The following LARS2 variants were observed in gnomAD, a reference collection of about 807,000 sequenced individuals.
The protein encoded by LARS2 is leucyl-tRNA synthetase 2, mitochondrial, also known as leucine--tRNA ligase, mitochondrial.
Under a neutral mutation model 116.6 loss-of-function variants are expected in LARS2, and 81 were observed. The ratio of observed to expected loss-of-function variants is 0.69; its 90% CI spans 0.58 to 0.84. The LOEUF (loss-of-function observed/expected upper bound fraction) is 0.84. Ranked by LOEUF, LARS2 falls within the 40% of genes least tolerant of loss-of-function variation. LARS2 has a pLI of 0.00. For synonymous variants in LARS2, 396 were observed against 407.2 expected (o/e 0.97, Z 0.33); for missense variants, 968 against 1,114.5 (o/e 0.87, Z 1.87).
rs541763978 is a variant in LARS2 at position 45,394,677 on chromosome 3, C to T, written c.224C>T (p.Ser75Leu). 13 of 1,610,908 alleles carry T rather than the reference C, an allele frequency of 8.1e-6. No individual in the cohort carries two copies. The South Asian group carries it at 1.2e-4, about 15-fold the overall frequency. The change falls in exon 3 of 22, where the codon TCA (serine) becomes TTA (leucine). Residue 75 changes from serine to leucine, a missense_variant. Transcript: ENST00000645846. Reference protein sequence around the residue: ...QRIKEQASKISEADKSKPKFY... With the variant: ...QRIKEQASKILEADKSKPKFY... Reference sequence around the variant, plus strand: ...ATAAAAGAACAGGCCTCCAAAATTTCAGAAGCTGATGTGAGTATTCTGAGA... The same window carrying T: ...ATAAAAGAACAGGCCTCCAAAATTTTAGAAGCTGATGTGAGTATTCTGAGA...
At chr3:45,480,375 T>G (rs952223024) in intron 10 of LARS2, among the ~76,000 whole-genome samples, 27 of 152,380 alleles carry the variant, frequency 1.8e-4, no homozygotes, top group African/African-American at 6.3e-4. Context: ...GCCGCCTTGG[T>G]GAACACCAAA....
chr3:45,461,144 T>G (rs1699316435), intron 8 of LARS2, among the ~76,000 whole-genome samples: 1 of 152,070 alleles, frequency 6.6e-6, no homozygotes. Flanking sequence ...GGTCTGGGAC[T>G]TAAAGGAAAA....
intron 21 of LARS2, among the ~76,000 whole-genome samples, chr3:45,546,050 A>G (rs1467339434): frequency 6.6e-6 from 1 of 151,844 alleles, no homozygotes; most frequent in South Asian, 2.1e-4. Flanking sequence ...TGAGAGCACC[A>G]TGCTCCCCCT....
intron 7 of LARS2, among the ~76,000 whole-genome samples, chr3:45,449,276 C>A (rs1416432211): frequency 6.6e-6 from 1 of 151,156 alleles, no homozygotes; most frequent in East Asian, 1.9e-4. Context: ...AATTCTCCTA[C>A]CTCAGCCTCC....
rs199972268 is a variant in LARS2 at position 45,419,757 on chromosome 3, C to A, written c.516+28C>A. 6 of 1,588,946 alleles carry A rather than the reference C, an allele frequency of 3.8e-6. No homozygotes were observed. The African/African-American group carries it at 5.4e-5, about 14-fold the overall frequency. On this transcript the variant is annotated intron_variant, in intron 6 of 21. Coordinates refer to ENST00000645846, the MANE Select transcript of LARS2 (RefSeq NM_015340.4). ...AAGTCAACTCTTTTTCCTGAAAGGT[C>A]GTCATTTTAAGGAAGGACTTGATGG...
chr3:45,500,659 AGG>A, intron 15 of LARS2, 80 bp downstream of exon 15: 1 of 1,061,036 alleles, frequency 9.4e-7, no homozygotes, highest in Non-Finnish European at 1.3e-6. Flanking sequence ...TTCTGAAGCA[AGG>A]TAAATGCATG....
chr3:45,479,306 G>T (rs1460223318), intron 10 of LARS2, among the ~76,000 whole-genome samples: 2 of 152,142 alleles, frequency 1.3e-5, no homozygotes, highest in Non-Finnish European at 2.9e-5. Context: ...GGGTAGAGAA[G>T]AAGCTTTGAG....
At chr3:45,503,728 T>C (rs1361957517) in intron 15 of LARS2, among the ~76,000 whole-genome samples, 1 of 151,976 alleles carries the variant, frequency 6.6e-6, no homozygotes, top group East Asian at 1.9e-4. Context: ...CAACATCCTT[T>C]AGAATATTTT....
chr3:45,483,274 A>G (rs1205992773), intron 10 of LARS2, among the ~76,000 whole-genome samples: 1 of 152,208 alleles, frequency 6.6e-6, no homozygotes, highest in Non-Finnish European at 1.5e-5. Context: ...CTTTTATTCT[A>G]TAACCCCTCA....
intron 10 of LARS2, among the ~76,000 whole-genome samples, chr3:45,477,124 A>T (rs1440821636): frequency 6.6e-6 from 1 of 152,236 alleles, no homozygotes; most frequent in Non-Finnish European, 1.5e-5. Context: ...GAGTTTTAAC[A>T]TACCTGCTTT....
intron 10 of LARS2, among the ~76,000 whole-genome samples, chr3:45,479,992 C>T (rs1181459557): frequency 6.6e-6 from 1 of 152,110 alleles, no homozygotes; most frequent in Non-Finnish European, 1.5e-5. Flanking sequence ...CAAGAGCCTC[C>T]CTGGAAGCCC....
intron 5 of LARS2, 126 bp downstream of exon 5, chr3:45,417,699 A>G: frequency 1.6e-6 from 1 of 626,170 alleles, no homozygotes; most frequent in Non-Finnish European, 2.9e-6. Flanking sequence ...GATAAATATG[A>G]TTGTGTATAT....
intron 20 of LARS2, among the ~76,000 whole-genome samples, chr3:45,531,442 A>G (rs1430961493): frequency 2.0e-5 from 3 of 152,090 alleles, no homozygotes; most frequent in Admixed American, 2.0e-4. Context: ...CAGAGGCACA[A>G]TCTGGGCTTA....
At chr3:45,408,973 TTAG>T (rs1305553741) in intron 4 of LARS2, among the ~76,000 whole-genome samples, 1 of 152,224 alleles carries the variant, frequency 6.6e-6, no homozygotes, top group Non-Finnish European at 1.5e-5. Flanking sequence ...AAAATTATCA[TTAG>T]TAGTCTTCTG....
chr3:45,485,883 C>G (rs892217931), intron 11 of LARS2, 87 bp downstream of exon 11: 8 of 715,940 alleles, frequency 1.1e-5, no homozygotes, highest in Admixed American at 7.7e-5. Flanking sequence ...TCTGGAAGAG[C>G]TGACTATAGA....
At chr3:45,501,779 C>G (rs1004818409) in intron 15 of LARS2, among the ~76,000 whole-genome samples, 4 of 152,196 alleles carry the variant, frequency 2.6e-5, no homozygotes, top group African/African-American at 9.6e-5. Context: ...ATTACCTAAG[C>G]CTATACTCCC....
chr3:45,404,480 C>T (rs992518586), intron 4 of LARS2, among the ~76,000 whole-genome samples: 3 of 152,238 alleles, frequency 2.0e-5, no homozygotes, highest in African/African-American at 7.2e-5. Context: ...CAGGATTGGT[C>T]CCTGAGATTG....
At chr3:45,435,197 A>T (rs144600332) in intron 6 of LARS2, among the ~76,000 whole-genome samples, 2 of 152,062 alleles carry the variant, frequency 1.3e-5, no homozygotes, top group Admixed American at 1.3e-4. Context: ...ACCTCCTCTG[A>T]CACTGTTTTA....
intron 19 of LARS2, among the ~76,000 whole-genome samples, chr3:45,522,692 A>G (rs1360367145): frequency 6.6e-6 from 1 of 152,270 alleles, no homozygotes; most frequent in Middle Eastern, 3.4e-3. Context: ...GTGAGCTGAG[A>G]TCACACCACT....
Sources: gnomAD v4.1 joint callset for allele counts (sites outside exome capture counted in the v4.1 genomes callset) on GRCh38, gnomAD v4.1.1 for gene constraint, MANE v1.5 for transcripts, NCBI Gene and HGNC (gene_info 2026-07-23, HGNC 2026-07-21) for gene names.